ZNF814: variants seen among roughly 807,000 people sequenced by gnomAD.
ZNF814 encodes the protein zinc finger protein 814.
A neutral mutation model predicts 7.5 loss-of-function variants in ZNF814; 5 were observed. The ratio of observed to expected loss-of-function variants is 0.67; its 90% CI spans 0.35 to 1.40. ZNF814 has a LOEUF of 1.40. Among genes scored for constraint, ZNF814 ranks in the 40% most tolerant of loss-of-function variants. The pLI is 0.04. For synonymous variants in ZNF814, 315 were observed against 340.7 expected (o/e 0.92, Z 0.83); for missense variants, 962 against 1,018.0 (o/e 0.94, Z 0.75).
chr19:57,872,936 G>T lies in ZNF814; in HGVS notation c.2454C>A (p.His818Gln). The T allele has an allele frequency of 6.2e-7, 1 of 1,613,238 alleles. No individual in the cohort carries two copies. Among genetic ancestry groups the T allele is most frequent in the Non-Finnish European group, 8.5e-7 (1 of 1,179,822 alleles). Residue 818 changes from histidine to glutamine, a missense_variant, in exon 3 of 3, where the codon CAC (histidine) becomes CAA (glutamine). By Grantham distance (24) the His-to-Gln change is conservative. Transcript: ENST00000435989. Reference protein sequence around the residue: ...SFAESSSLTKHKRVHTGEKPY... With the variant: ...SFAESSSLTKQKRVHTGEKPY... ...GCTTTTCTCCAGTGTGAACTCTCTT[G>T]TGTTTAGTGAGACTGGAGCTTTCAG...
chr19:57,900,900 T>C, the ZNF814 span, among the ~76,000 whole-genome samples: 2 of 122,126 alleles, frequency 1.6e-5, no homozygotes, highest in Non-Finnish European at 1.6e-5. Flanking sequence ...CAGGCTGGAG[T>C]GCAGTGACCA....
intron 1 of ZNF814, among the ~76,000 whole-genome samples, chr19:57,878,610 C>T (rs1568519668): frequency 2.0e-5 from 3 of 152,028 alleles, no homozygotes; most frequent in Non-Finnish European, 2.9e-5. Flanking sequence ...AGGCATGTAC[C>T]ACCATGCCCA....
At chr19:57,876,880 C>G (rs780453099) in intron 2 of ZNF814, 36 bp downstream of exon 2, 14 of 1,612,288 alleles carry the variant, frequency 8.7e-6, no homozygotes, top group Non-Finnish European at 1.2e-5. Context: ...AAAACAGAGA[C>G]TAGCTCAGGT....
At chr19:57,878,772 A>G (rs2122444298) in intron 1 of ZNF814, among the ~76,000 whole-genome samples, 1 of 152,172 alleles carries the variant, frequency 6.6e-6, no homozygotes, top group Admixed American at 6.5e-5. Flanking sequence ...TATATTACTT[A>G]AGAGTGTGAA....
In ZNF814 at chr19:57,872,962, C is replaced by T. The variant is rs1291522344; in HGVS notation, c.2428G>A (p.Ala810Thr). 1 of 1,612,954 alleles carries T rather than the reference C, an allele frequency of 6.2e-7. No homozygotes were observed. Among genetic ancestry groups the T allele is most frequent in the African/African-American group, 1.3e-5 (1 of 74,570 alleles). The change falls in exon 3 of 3, where the codon GCT (alanine) becomes ACT (threonine). Residue 810 changes from alanine (A) to threonine (T), a missense_variant. Ala to Thr is a moderately conservative substitution (Grantham distance 58). This residue lies in a region of ZNF814 where 665 missense variants were observed against 551.4 expected (regional missense o/e 1.21). Coordinates refer to ENST00000435989, the MANE Select transcript of ZNF814 (RefSeq NM_001144989.2). ...TGTTTAGTGAGACTGGAGCTTTCAGCAAAAGATTTTCCACATTCACTGCAC... is the reference window on the plus strand; with the variant it reads ...TGTTTAGTGAGACTGGAGCTTTCAGTAAAAGATTTTCCACATTCACTGCAC... ...YECSECGKSF[A>T]ESSSLTKHKR...
chr19:57,888,952 C>T lies in ZNF814; in HGVS notation c.-150G>A, dbSNP rs1269363281. 21 of 800,740 alleles carry T rather than the reference C, an allele frequency of 2.6e-5. No individual in the cohort carries two copies. The highest frequency in any genetic ancestry group is 3.2e-5 in the Non-Finnish European group (16 of 501,618). The allele number at this position is 800,740 out of a possible 1,614,324, so 49.6% of individuals were successfully genotyped here. Reference sequence around the variant, plus strand: ...GCCTCTGTGCAGCGGAGGACAACTGCTCCCCGACTTCTGGGTTCAGTCACC... The same window carrying T: ...GCCTCTGTGCAGCGGAGGACAACTGTTCCCCGACTTCTGGGTTCAGTCACC... On this transcript the variant is annotated 5_prime_UTR_variant, in exon 1 of 3. Transcript: ENST00000435989.
the ZNF814 span, among the ~76,000 whole-genome samples, chr19:57,901,253 A>T: frequency 1.3e-5 from 2 of 152,226 alleles, no homozygotes; most frequent in Non-Finnish European, 2.9e-5. Flanking sequence ...CTCAGTTACA[A>T]AAACAGAAAG....
At chr19:57,878,020 G>A (rs948227082) in intron 1 of ZNF814, among the ~76,000 whole-genome samples, 3 of 151,888 alleles carry the variant, frequency 2.0e-5, no homozygotes, top group African/African-American at 7.3e-5. Flanking sequence ...CAAAAAATTA[G>A]CTGAGCGTGG....
the ZNF814 span, chr19:57,900,434 T>C: frequency 6.6e-6 from 1 of 152,242 alleles, no homozygotes; most frequent in Admixed American, 6.5e-5. Context: ...CACTGGTTTC[T>C]GCAGCTTTTG....
chr19:57,879,062 T>G (rs2071632505), intron 1 of ZNF814, among the ~76,000 whole-genome samples: 1 of 151,782 alleles, frequency 6.6e-6, no homozygotes, highest in South Asian at 2.1e-4. Flanking sequence ...CACTGGGCCT[T>G]AATTTTTGGC....
intron 2 of ZNF814, among the ~76,000 whole-genome samples, chr19:57,875,683 A>G (rs999825464): frequency 1.3e-5 from 2 of 152,156 alleles, no homozygotes; most frequent in African/African-American, 4.8e-5. Context: ...ATGTAAATGG[A>G]TGAGATCTGG....
chr19:57,875,851 C>G (rs1383204573), intron 2 of ZNF814, among the ~76,000 whole-genome samples: 4 of 151,024 alleles, frequency 2.6e-5, no homozygotes, highest in Non-Finnish European at 5.9e-5. Flanking sequence ...TGTGTGCCTA[C>G]TTGCCTTGCC....
intron 2 of ZNF814, among the ~76,000 whole-genome samples, chr19:57,875,894 G>C (rs1258330167): frequency 6.7e-6 from 1 of 148,982 alleles, no homozygotes; most frequent in African/African-American, 2.5e-5. Flanking sequence ...ACAGGTTGTT[G>C]GTATGCTTTC....
rs2071561260 is a variant in ZNF814, at chr19:57,872,095, C to A, written c.*727G>T. Among the ~76,000 whole-genome samples, 1 of 152,114 alleles carries A rather than the reference C, an allele frequency of 6.6e-6. No individual in the cohort carries two copies. The highest frequency in any genetic ancestry group is 2.1e-4 in the South Asian group (1 of 4,830). On this transcript the variant is annotated 3_prime_UTR_variant, in exon 3 of 3. Coordinates refer to ENST00000435989, the MANE Select transcript of ZNF814 (RefSeq NM_001144989.2). Reference sequence around the variant, plus strand: ...CACGCCATCCTGAGCGACACAGTGACAACCTGTCTCAAAAAAAATCTAGCA... The same window carrying A: ...CACGCCATCCTGAGCGACACAGTGAAAACCTGTCTCAAAAAAAATCTAGCA...
At chr19:57,894,442 T>C in the ZNF814 span, among the ~76,000 whole-genome samples, 2 of 151,906 alleles carry the variant, frequency 1.3e-5, no homozygotes, top group Non-Finnish European at 2.9e-5. Flanking sequence ...TTTCATTTTG[T>C]TTTTAGTCTG....
chr19:57,894,374 A>G, the ZNF814 span, among the ~76,000 whole-genome samples: 2 of 151,958 alleles, frequency 1.3e-5, no homozygotes, highest in Admixed American at 1.3e-4. Flanking sequence ...CAAAAAAAAA[A>G]AAAAGAAGCC....
At chr19:57,895,926 GA>G in the ZNF814 span, among the ~76,000 whole-genome samples, 1 of 152,200 alleles carries the variant, frequency 6.6e-6, no homozygotes, top group Non-Finnish European at 1.5e-5. Flanking sequence ...CCACTCCATA[GA>G]CAGAGCAGGC....
At chr19:57,898,256 G>A in the ZNF814 span, among the ~76,000 whole-genome samples, 1 of 152,192 alleles carries the variant, frequency 6.6e-6, no homozygotes, top group Non-Finnish European at 1.5e-5. Context: ...AGCTATTCCT[G>A]TCAATTTATG....
chr19:57,873,352 G>C lies in ZNF814; in HGVS notation c.2038C>G (p.His680Asp), dbSNP rs2071573605. The C allele has an allele frequency of 6.3e-7, 1 of 1,597,570 alleles. No individual in the cohort carries two copies. The highest frequency in any genetic ancestry group is 1.3e-5 in the African/African-American group (1 of 74,332). ...TAAGGTCTTTCTCCAGTATGGCCAT[G>C]CTGGTGTAGAATGAGGTTACCCTTG... Reference protein sequence around the residue: ...SHKGNLILHQHGHTGERPYVC... With the variant: ...SHKGNLILHQDGHTGERPYVC... The change falls in exon 3 of 3, where the codon CAT becomes GAT. Residue 680 changes from histidine (H) to aspartate (D), a missense_variant. Physicochemically the swap from His to Asp is moderately conservative, Grantham distance 81 (BLOSUM62 -1). Transcript: ENST00000435989.
Sources: gnomAD v4.1 joint callset for allele counts (sites outside exome capture counted in the v4.1 genomes callset) on GRCh38, gnomAD v4.1.1 for gene constraint, gnomAD v4.1.1 regional missense constraint, MANE v1.5 for transcripts, NCBI Gene and HGNC (gene_info 2026-07-23, HGNC 2026-07-21) for gene names.